Variants in RBM45 observed in about 807,000 individuals in gnomAD.
RBM45 encodes the protein RNA-binding protein 45.
In RBM45, 39 loss-of-function variants were observed where a neutral mutation model predicts 58.5. That is an observed-to-expected ratio of 0.67 (90% CI 0.52 to 0.87). RBM45 has a LOEUF of 0.87. RBM45 is among the 40% of genes least tolerant of loss of function. RBM45 has a pLI of 0.00. For synonymous variants in RBM45, 193 were observed against 203.0 expected (o/e 0.95, Z 0.42); for missense variants, 481 against 581.6 (o/e 0.83, Z 1.78).
intron 3 of RBM45, among the ~76,000 whole-genome samples, chr2:178,135,765 A>G (rs1019458849): frequency 1.3e-4 from 20 of 152,192 alleles, no homozygotes; most frequent in African/African-American, 4.6e-4. Flanking sequence ...TTTCTCATCT[A>G]GAAAATAAGA....
At chr2:178,122,235 G>GT (rs34193635) in intron 5 of RBM45, among the ~76,000 whole-genome samples, 12,717 of 151,518 alleles carry the variant, frequency 0.084, 697 homozygotes, top group Non-Finnish European at 0.12. Flanking sequence ...AATCTAAGGG[G>GT]TTTTTTTTTC....
In RBM45 at chr2:178,112,458, G is replaced by A. The variant is rs1223369496; in HGVS notation, c.-89G>A. The A allele has an allele frequency of 3.1e-6, 4 of 1,275,830 alleles. No homozygotes were observed. The highest frequency in any genetic ancestry group is 4.4e-6 in the Non-Finnish European group (4 of 912,202). 79.0% of individuals were successfully genotyped at this position (1,275,830 alleles called of 1,614,324 possible). Reference sequence around the variant, plus strand: ...CTTTCTCCCGGAAGCGGAGCACCGAGCCGGCAAAGGCTTGGGTGTGAGACA... The same window carrying A: ...CTTTCTCCCGGAAGCGGAGCACCGAACCGGCAAAGGCTTGGGTGTGAGACA... On this transcript the variant is annotated 5_prime_UTR_variant, in exon 1 of 10. Transcript: ENST00000286070.
chr2:178,127,994 CTTTT>C (rs3067447), intron 9 of RBM45, among the ~76,000 whole-genome samples: 25 of 72,512 alleles, frequency 3.4e-4, no homozygotes, highest in African/African-American at 1.3e-3. Flanking sequence ...TCTCTACGCC[CTTTT>C]TTTTTTTTTT....
At chr2:178,113,741 A>G (rs1287174105) in intron 1 of RBM45, among the ~76,000 whole-genome samples, 3 of 152,212 alleles carry the variant, frequency 2.0e-5, no homozygotes, top group African/African-American at 7.2e-5. Context: ...TCAGGACTCA[A>G]TCCTGAGAAT....
At chr2:178,138,568 G>C (rs1171698613) in exon 4 of RBM45, 1 of 152,028 alleles carries the variant, frequency 6.6e-6, no homozygotes, top group African/African-American at 2.4e-5. Context: ...AAATTGTAAA[G>C]GTAACAGGCA....
chr2:178,112,721 G>C lies in RBM45; in HGVS notation c.175G>C (p.Asp59His). Residue 59 changes from aspartate to histidine, a missense_variant, in exon 1 of 10, where the codon GAC (aspartate) becomes CAC (histidine). Physicochemically the swap from Asp to His is moderately conservative, Grantham distance 81. Coordinates refer to ENST00000286070, the MANE Select transcript of RBM45 (RefSeq NM_152945.4). ...GDIQDIWVVR[D>H]KHTKESKGIA... The stretch of plus-strand genomic sequence containing the variant: ...CATCCAGGACATCTGGGTGGTGCGG[G>C]ACAAGCACACCAAGGAGTCCAAGGG... The C allele has an allele frequency of 6.2e-7, 1 of 1,614,228 alleles. No individual in the cohort carries two copies. The highest frequency in any genetic ancestry group is 8.5e-7 in the Non-Finnish European group (1 of 1,180,056).
At chr2:178,127,891 A>T (rs1418332457) in intron 9 of RBM45, among the ~76,000 whole-genome samples, 1 of 150,030 alleles carries the variant, frequency 6.7e-6, no homozygotes, top group African/African-American at 2.4e-5. Flanking sequence ...TATATAAATT[A>T]TTCTTGTGGT....
intron 4 of RBM45, 148 bp downstream of exon 4, chr2:178,120,557 AT>A: frequency 1.5e-6 from 1 of 652,374 alleles, no homozygotes; most frequent in Non-Finnish European, 2.4e-6. Flanking sequence ...TAAAATGTGG[AT>A]TATGACTCCT....
intron 5 of RBM45, among the ~76,000 whole-genome samples, chr2:178,123,262 T>A (rs1272781976): frequency 1.3e-5 from 2 of 152,212 alleles, no homozygotes; most frequent in Admixed American, 1.3e-4. Flanking sequence ...CTAAACTTAT[T>A]AGACAGGACG....
chr2:178,134,063 G>A (rs1433617770), downstream of RBM45, among the ~76,000 whole-genome samples: 1 of 152,182 alleles, frequency 6.6e-6, no homozygotes, highest in Admixed American at 6.5e-5. Flanking sequence ...ACGAGGCCCT[G>A]TGAAAATTTA....
At chr2:178,123,213 G>A (rs2087878866) in intron 5 of RBM45, among the ~76,000 whole-genome samples, 1 of 152,120 alleles carries the variant, frequency 6.6e-6, no homozygotes, top group Non-Finnish European at 1.5e-5. Flanking sequence ...AGACTTTTAA[G>A]TATATTGGTA....
rs539666856 is a variant in RBM45 at position 178,124,304 on chromosome 2, A to AT, written c.1232+20dup. On this transcript the variant is annotated intron_variant, in intron 8 of 9. Transcript: ENST00000286070. ...AGATATATTCTGGTAAGAAAGTTAC[A>AT]TTTTTTGTTATATTTTATTTACACT... 7 of 1,460,234 alleles carry AT rather than the reference A, an allele frequency of 4.8e-6. No homozygotes were observed. The East Asian group carries it at 6.9e-5, about 14-fold the overall frequency. 90.5% of individuals were successfully genotyped at this position (1,460,234 alleles called of 1,614,324 possible). A position where few individuals can be genotyped will look rare whatever the true frequency, so the allele number is the denominator to read the frequency against.
intron 1 of RBM45, among the ~76,000 whole-genome samples, chr2:178,114,862 A>G (rs1170238482): frequency 6.6e-6 from 1 of 152,064 alleles, no homozygotes; most frequent in African/African-American, 2.4e-5. Flanking sequence ...CTCCCATTAC[A>G]GTTGTGAGCC....
downstream of RBM45, among the ~76,000 whole-genome samples, chr2:178,133,012 G>T (rs2088017314): frequency 6.6e-6 from 1 of 152,202 alleles, no homozygotes; most frequent in South Asian, 2.1e-4. Context: ...TGATGGGGTG[G>T]TCAGTGGCAT....
intron 3 of RBM45, chr2:178,136,449 C>T (rs2088046059): frequency 6.6e-6 from 1 of 152,260 alleles, no homozygotes; most frequent in South Asian, 2.1e-4. Flanking sequence ...CTTCTTTCTG[C>T]ATTCCTTCAC....
chr2:178,117,079 T>C (rs1444257391), intron 2 of RBM45, among the ~76,000 whole-genome samples: 1 of 152,202 alleles, frequency 6.6e-6, no homozygotes, highest in Non-Finnish European at 1.5e-5. Context: ...AATTTTTTAA[T>C]TGTTTTGAAT....
intron 4 of RBM45, 87 bp downstream of exon 4, chr2:178,120,496 C>G (rs1016440596): frequency 1.8e-5 from 21 of 1,191,260 alleles, no homozygotes; most frequent in East Asian, 8.1e-5. Context: ...TATTGGGCAT[C>G]TATAAATTTC....
chr2:178,126,922 G>A (rs2087937320), intron 9 of RBM45, among the ~76,000 whole-genome samples: 1 of 152,076 alleles, frequency 6.6e-6, no homozygotes, highest in Non-Finnish European at 1.5e-5. Context: ...GTGGTTTGGG[G>A]AAACATTCCT....
chr2:178,135,592 A>G (rs2088038935), intron 3 of RBM45, among the ~76,000 whole-genome samples: 1 of 152,226 alleles, frequency 6.6e-6, no homozygotes, highest in Admixed American at 6.5e-5. Context: ...CATCATCCTT[A>G]AAGATTAGCA....
Sources: gnomAD v4.1 joint callset for allele counts (sites outside exome capture counted in the v4.1 genomes callset) on GRCh38, gnomAD v4.1.1 for gene constraint, MANE v1.5 for transcripts, NCBI Gene and HGNC (gene_info 2026-07-23, HGNC 2026-07-21) for gene names.